The following GALNTL6 variants were observed in gnomAD, a reference collection of about 807,000 sequenced individuals.
GALNTL6 encodes polypeptide N-acetylgalactosaminyltransferase like 6, also known as polypeptide N-acetylgalactosaminyltransferase-like 6.
A neutral mutation model predicts 73.7 loss-of-function variants in GALNTL6; 46 were observed. The ratio of observed to expected loss-of-function variants is 0.62; its 90% CI spans 0.49 to 0.80. The LOEUF (loss-of-function observed/expected upper bound fraction) is 0.80. Among genes scored for constraint, GALNTL6 ranks in the 30% least tolerant of loss-of-function variants. The probability of loss-of-function intolerance (pLI) is 0.00; values close to 1 mark genes in which losing one functional copy is unlikely to be tolerated. For missense variants in GALNTL6, 604 were observed against 755.0 expected, an observed-to-expected ratio of 0.80 and a Z score of 2.34; for synonymous variants, 259 against 263.7, an observed-to-expected ratio of 0.98 and a Z score of 0.17.
chr4:172,171,736 G>A (rs1734836324), intron 2 of GALNTL6, among the ~76,000 whole-genome samples: 1 of 151,974 alleles, frequency 6.6e-6, no homozygotes, highest in African/African-American at 2.4e-5. Context: ...TATGTGGGAG[G>A]ATTGCTTGAG....
At chr4:172,897,606 T>C (rs977210725) in intron 8 of GALNTL6, among the ~76,000 whole-genome samples, 1 of 152,182 alleles carries the variant, frequency 6.6e-6, no homozygotes, top group African/African-American at 2.4e-5. Context: ...ACAGGTCTGT[T>C]TCCATGCTTG....
At position 172,444,398 on chromosome 4, in the gene GALNTL6, G is replaced by A. The variant is rs150363933; in HGVS notation, c.553+95709G>A. On this transcript the variant is annotated intron_variant, in intron 5 of 12. Coordinates refer to ENST00000506823, the MANE Select transcript of GALNTL6 (RefSeq NM_001034845.3). ...TCTTTGCTATCAATAATTATCTAAG[G>A]TAGGCCCGTGACTGTGGCCCCCAAC... Among the ~76,000 whole-genome samples the A allele has an allele frequency of 1.1e-4, 17 of 152,204 alleles. No individual in the cohort carries two copies. The East Asian group carries it at 2.3e-3, about 21-fold the overall frequency.
intron 3 of GALNTL6, among the ~76,000 whole-genome samples, chr4:172,294,798 G>A (rs1739608504): frequency 6.6e-6 from 1 of 152,014 alleles, no homozygotes; most frequent in Non-Finnish European, 1.5e-5. Context: ...CATTGTCTCA[G>A]ACAAGAAATA....
chr4:172,318,444 T>C (rs1341646614), intron 4 of GALNTL6, among the ~76,000 whole-genome samples: 1 of 152,186 alleles, frequency 6.6e-6, no homozygotes, highest in East Asian at 1.9e-4. Flanking sequence ...GGCTCATGCC[T>C]GTAATCCCAG....
At chr4:172,839,499 G>T (rs1743091987) in intron 7 of GALNTL6, among the ~76,000 whole-genome samples, 1 of 152,198 alleles carries the variant, frequency 6.6e-6, no homozygotes, top group Non-Finnish European at 1.5e-5. Flanking sequence ...CCACATAGAG[G>T]TGTGAAGATA....
intron 5 of GALNTL6, among the ~76,000 whole-genome samples, chr4:172,733,921 A>G (rs567010948): frequency 5.6e-4 from 85 of 152,214 alleles, no homozygotes; most frequent in Non-Finnish European, 1.1e-3. Context: ...TAACAGGCAG[A>G]GGTTGGAAAA....
chr4:172,401,080 G>A (rs932843971), intron 5 of GALNTL6, among the ~76,000 whole-genome samples: 10 of 152,088 alleles, frequency 6.6e-5, no homozygotes, highest in Admixed American at 3.3e-4. Context: ...GACTGTGCTC[G>A]GGTAATTCTC....
At chr4:171,838,289 A>C (rs926794742) in intron 2 of GALNTL6, among the ~76,000 whole-genome samples, 1 of 151,678 alleles carries the variant, frequency 6.6e-6, no homozygotes, top group Non-Finnish European at 1.5e-5. Context: ...ATGCCCATCT[A>C]AGTTTGAATT....
At chr4:172,353,504 C>T (rs923740329) in intron 5 of GALNTL6, among the ~76,000 whole-genome samples, 2 of 151,980 alleles carry the variant, frequency 1.3e-5, no homozygotes, top group South Asian at 2.1e-4. Context: ...TGGTAGATAT[C>T]GCCATTTTCC....
chr4:172,374,731 A>C (rs755291722), intron 5 of GALNTL6, among the ~76,000 whole-genome samples: 2 of 152,178 alleles, frequency 1.3e-5, no homozygotes, highest in Non-Finnish European at 2.9e-5. Context: ...CTGTCATTCT[A>C]TCATTTACTT....
At chr4:172,030,955 G>A (rs1372674643) in intron 2 of GALNTL6, among the ~76,000 whole-genome samples, 3 of 151,954 alleles carry the variant, frequency 2.0e-5, no homozygotes, top group African/African-American at 7.3e-5. Flanking sequence ...ACTTTATAAA[G>A]GAGTGTTTCT....
intron 3 of GALNTL6, among the ~76,000 whole-genome samples, chr4:172,268,636 A>G (rs567533277): frequency 2.0e-4 from 30 of 152,302 alleles, no homozygotes; most frequent in African/African-American, 6.5e-4. Context: ...TGTCCCACCA[A>G]AACTCACATG....
At chr4:171,821,107 C>T (rs1734667005) in intron 2 of GALNTL6, among the ~76,000 whole-genome samples, 1 of 152,114 alleles carries the variant, frequency 6.6e-6, no homozygotes, top group African/African-American at 2.4e-5. Context: ...GCAACTGTAA[C>T]TCGCTGCAGC....
intron 4 of GALNTL6, among the ~76,000 whole-genome samples, chr4:172,322,453 T>C (rs1479927517): frequency 6.6e-6 from 1 of 152,136 alleles, no homozygotes; most frequent in Non-Finnish European, 1.5e-5. Context: ...TATGAATGTA[T>C]GAATTTATAC....
intron 3 of GALNTL6, among the ~76,000 whole-genome samples, chr4:172,273,104 C>T (rs1314725744): frequency 3.3e-5 from 5 of 152,112 alleles, no homozygotes; most frequent in African/African-American, 1.2e-4. Context: ...TGTTCCTTAT[C>T]CTCAAACACA....
intron 2 of GALNTL6, among the ~76,000 whole-genome samples, chr4:171,944,323 TAA>T (rs1469532815): frequency 6.6e-6 from 1 of 152,044 alleles, no homozygotes; most frequent in African/African-American, 2.4e-5. Context: ...ATAAAAATAT[TAA>T]GTGTCTACTT....
chr4:172,837,748 C>G (rs1430351920), intron 7 of GALNTL6, among the ~76,000 whole-genome samples: 1 of 152,148 alleles, frequency 6.6e-6, no homozygotes, highest in Non-Finnish European at 1.5e-5. Flanking sequence ...AACAGAAAAT[C>G]ACTGGATTAA....
At chr4:172,993,828 A>T (rs1247906081) in intron 10 of GALNTL6, among the ~76,000 whole-genome samples, 2 of 152,214 alleles carry the variant, frequency 1.3e-5, no homozygotes, top group Non-Finnish European at 2.9e-5. Context: ...AGGCTGAGGC[A>T]GAAGAATCAC....
At chr4:172,449,175 C>T (rs1394099150) in intron 5 of GALNTL6, among the ~76,000 whole-genome samples, 1 of 152,054 alleles carries the variant, frequency 6.6e-6, no homozygotes, top group African/African-American at 2.4e-5. Context: ...CAGATGTTGC[C>T]CCTTCTTGTA....
Sources: gnomAD v4.1 joint callset for allele counts (sites outside exome capture counted in the v4.1 genomes callset) on GRCh38, gnomAD v4.1.1 for gene constraint, MANE v1.5 for transcripts, NCBI Gene and HGNC (gene_info 2026-07-23, HGNC 2026-07-21) for gene names.